The following STARD9 variants were observed in gnomAD, a reference collection of about 807,000 sequenced individuals.
STARD9 encodes stAR-related lipid transfer protein 9.
In STARD9, 346 loss-of-function variants were observed where a neutral mutation model predicts 399.8. The observed-to-expected ratio is 0.87, with a 90% CI of 0.79 to 0.95. The LOEUF is 0.95. STARD9 is among the 40% of genes least tolerant of loss of function. STARD9 has a pLI of 0.00. For synonymous variants in STARD9, 2,203 were observed against 2,143.5 expected (o/e 1.03, Z -0.77); for missense variants, 5,832 against 5,667.5 (o/e 1.03, Z -0.93).
intron 29 of STARD9, 28 bp downstream of exon 29, chr15:42,717,823 G>A (rs759632743): frequency 2.0e-6 from 3 of 1,534,806 alleles, no homozygotes; most frequent in Non-Finnish European, 2.6e-6. Context: ...CCTTTGTACA[G>A]TGTCTGTCTT....
chr15:42,613,701 A>G (rs906872040), intron 3 of STARD9, among the ~76,000 whole-genome samples: 1 of 152,156 alleles, frequency 6.6e-6, no homozygotes, highest in Non-Finnish European at 1.5e-5. Flanking sequence ...GAGATGGCTC[A>G]CACCTGTAAT....
chr15:42,692,819 C>A lies in STARD9; in HGVS notation c.11241C>A (p.Leu3747=), dbSNP rs2060744963. 1 of 1,537,096 alleles carries A rather than the reference C, an allele frequency of 6.5e-7. No homozygotes were observed. The highest frequency in any genetic ancestry group is 2.0e-5 in the Admixed American group (1 of 50,978). Residue 3747 remains leucine, a synonymous_variant, in exon 23 of 33, where the codon CTC becomes CTA. Transcript: ENST00000290607. ...QTDLTLPTLC[L]QTSEAEPQGA... ...ACCTCACCTTACCCACCCTGTGCCT[C>A]CAGACTTCAGAGGCTGAACCTCAGG... is the stretch of plus-strand genomic sequence containing the variant.
intron 26 of STARD9, among the ~76,000 whole-genome samples, chr15:42,702,461 C>G (rs1566959044): frequency 6.6e-6 from 1 of 152,136 alleles, no homozygotes; most frequent in Non-Finnish European, 1.5e-5. Flanking sequence ...CTCGGCCTCC[C>G]AAAGTATTGG....
chr15:42,685,513 C>T lies in STARD9; in HGVS notation c.3935C>T (p.Pro1312Leu), dbSNP rs759570201. 1.6e-5 allele frequency: 24 copies of T among 1,537,202 alleles called. No homozygotes were observed. The South Asian group carries it at 2.7e-4, about 18-fold the overall frequency. ...GAGCAGGCTGAATCACAGGTAGAGC[C>T]AAGCTACTCTGAACAAGCCGACTCT... The part of the protein sequence containing the change: ...HCEQAESQVE[P>L]SYSEQADSLQ... The change falls in exon 23 of 33, where the codon CCA becomes CTA. Residue 1312 changes from proline to leucine, a missense_variant. This residue lies in a region of STARD9 where 5,828 missense variants were observed against 5,651.1 expected (regional missense o/e 1.03). Transcript: ENST00000290607.
Position 42,718,475 on chromosome 15 carries a change from G to A in STARD9, c.13803G>A (p.Gln4601=), listed in dbSNP as rs142947791. 6.5e-7 allele frequency: 1 copy of A among 1,537,272 alleles called. No homozygotes were observed. Among genetic ancestry groups the A allele is most frequent in the East Asian group, 2.4e-5 (1 of 40,912 alleles). Residue 4601 remains glutamine (Q), a synonymous_variant, in exon 31 of 33, where the codon CAG becomes CAA. Transcript: ENST00000290607. ...ACACCACCCTGTGCGCACTGAAGCA[G>A]CCACGGGATTTCTGTTGTGTCTGCG... ...VCNTTLCALK[Q]PRDFCCVCVE...
At chr15:42,589,691 C>G (rs1222800712) in intron 3 of STARD9, among the ~76,000 whole-genome samples, 1 of 151,912 alleles carries the variant, frequency 6.6e-6, no homozygotes, top group Non-Finnish European at 1.5e-5. Context: ...ACTGCAACCT[C>G]CACCTTCTGG....
chr15:42,668,094 G>A (rs2060137426), intron 15 of STARD9, among the ~76,000 whole-genome samples: 1 of 152,174 alleles, frequency 6.6e-6, no homozygotes, highest in Non-Finnish European at 1.5e-5. Flanking sequence ...CTTGTTGGCT[G>A]TATGATCTTA....
intron 17 of STARD9, 51 bp from the exon 18 acceptor site, chr15:42,674,776 G>A: frequency 6.8e-7 from 1 of 1,481,460 alleles, no homozygotes; most frequent in South Asian, 1.4e-5. Flanking sequence ...AATGGAGAGG[G>A]TGTTTCCCTG....
chr15:42,586,867 G>A (rs1379040162), intron 3 of STARD9, among the ~76,000 whole-genome samples: 5 of 150,440 alleles, frequency 3.3e-5, no homozygotes, highest in African/African-American at 4.9e-5. Flanking sequence ...GTGGGGGGCC[G>A]GGGGGCGGAG....
In STARD9 at chr15:42,652,531, C is replaced by T. The variant is rs1234715121; in HGVS notation, c.641C>T (p.Ala214Val). Reference sequence around the variant, plus strand: ...CCTTGTATACACAGAATCACAGCAGCCACCCATGTTCATGAGGCCAGCAGC... The same window carrying T: ...CCTTGTATACACAGAATCACAGCAGTCACCCATGTTCATGAGGCCAGCAGC... ...EEGIANRITA[A>V]THVHEASSRS... The change falls in exon 9 of 33, where the codon GCC (alanine) becomes GTC (valine). Residue 214 changes from alanine to valine, a missense_variant. Ala to Val is a moderately conservative substitution (Grantham distance 64). Transcript: ENST00000290607. The T allele has an allele frequency of 2.6e-6, 4 of 1,537,446 alleles. No individual in the cohort carries two copies. In the South Asian group the frequency reaches 4.8e-5, roughly 18 times the overall value.
At chr15:42,698,191 C>G (rs1367514110) in intron 26 of STARD9, among the ~76,000 whole-genome samples, 1 of 152,186 alleles carries the variant, frequency 6.6e-6, no homozygotes, top group African/African-American at 2.4e-5. Flanking sequence ...ATCAGCAATA[C>G]TACAGTGAAT....
At chr15:42,657,023 G>A (rs2059888303) in intron 9 of STARD9, among the ~76,000 whole-genome samples, 1 of 152,064 alleles carries the variant, frequency 6.6e-6, no homozygotes, top group Non-Finnish European at 1.5e-5. Context: ...AAAAAAGTAA[G>A]CATAAGAGAG....
At chr15:42,609,549 C>T (rs1266088268) in intron 3 of STARD9, among the ~76,000 whole-genome samples, 1 of 151,798 alleles carries the variant, frequency 6.6e-6, no homozygotes, top group Non-Finnish European at 1.5e-5. Flanking sequence ...AAGCAATTCT[C>T]CTGCTGCAGC....
At chr15:42,677,856 T>C (rs1418597425) in intron 20 of STARD9, among the ~76,000 whole-genome samples, 2 of 152,196 alleles carry the variant, frequency 1.3e-5, no homozygotes, top group Non-Finnish European at 1.5e-5. Flanking sequence ...TTCTCTTTCT[T>C]GTCCTCCTGT....
At chr15:42,602,896 T>A (rs1180473142) in intron 3 of STARD9, among the ~76,000 whole-genome samples, 1 of 152,212 alleles carries the variant, frequency 6.6e-6, no homozygotes, top group Non-Finnish European at 1.5e-5. Flanking sequence ...GCGTGGAAAG[T>A]CTAGGGTTTT....
Position 42,685,243 on chromosome 15 carries a change from C to T in STARD9, c.3665C>T (p.Pro1222Leu), listed in dbSNP as rs2060522224. Reference sequence around the variant, plus strand: ...CTGGGGGAAGATCAGCAAGAAGAACCTTTCCCTGGTTCAGCTGACGAGATA... The same window carrying T: ...CTGGGGGAAGATCAGCAAGAAGAACTTTTCCCTGGTTCAGCTGACGAGATA... ...EELGEDQQEE[P>L]FPGSADEIPT... The change falls in exon 23 of 33, where the codon CCT (proline) becomes CTT (leucine). Residue 1222 changes from proline to leucine, a missense_variant. By Grantham distance (98) the Pro-to-Leu change is moderately conservative (BLOSUM62 -3). Around this residue, in one of 2 missense-constraint regions of STARD9, gnomAD observed 5,828 missense variants for 5,651.1 expected, o/e 1.03. Coordinates refer to ENST00000290607, the MANE Select transcript of STARD9 (RefSeq NM_020759.3). The T allele has an allele frequency of 6.5e-7, 1 of 1,537,386 alleles. No homozygotes were observed. Among genetic ancestry groups the T allele is most frequent in the Non-Finnish European group, 8.7e-7 (1 of 1,146,942 alleles).
At chr15:42,612,325 C>G (rs1014192030) in intron 3 of STARD9, among the ~76,000 whole-genome samples, 1 of 152,082 alleles carries the variant, frequency 6.6e-6, no homozygotes, top group African/African-American at 2.4e-5. Flanking sequence ...ACAGTGAGCA[C>G]CTAAGAACAT....
intron 3 of STARD9, among the ~76,000 whole-genome samples, chr15:42,599,474 A>G (rs2058579490): frequency 6.6e-6 from 1 of 152,078 alleles, no homozygotes. Flanking sequence ...AATACATCTC[A>G]CCTCTCCAGT....
At chr15:42,589,358 A>G (rs1288389296) in intron 3 of STARD9, among the ~76,000 whole-genome samples, 4 of 152,022 alleles carry the variant, frequency 2.6e-5, no homozygotes, top group African/African-American at 9.7e-5. Context: ...GGCCAAATTC[A>G]CCTTTTTAAT....
Sources: allele counts gnomAD v4.1 joint callset (sites outside exome capture counted in the v4.1 genomes callset), GRCh38; gene constraint gnomAD v4.1.1; regional missense constraint gnomAD v4.1.1; transcripts MANE v1.5; gene names NCBI Gene and HGNC (gene_info 2026-07-23, HGNC 2026-07-21).